Variants in MIEF1 observed in about 807,000 individuals in gnomAD.
MIEF1 encodes mitochondrial elongation factor 1, also known as mitochondrial dynamics protein MIEF1.
MIEF1 carries 14 observed loss-of-function variants against 35.1 expected under a neutral mutation model. The observed-to-expected ratio is 0.40, with a 90% CI of 0.26 to 0.62. The LOEUF is 0.62. Among genes scored for constraint, MIEF1 ranks in the 20% least tolerant of loss-of-function variants. The probability of loss-of-function intolerance (pLI) is 0.43; values close to 1 mark genes in which losing one functional copy is unlikely to be tolerated. For synonymous variants in MIEF1, 245 were observed against 254.3 expected, an observed-to-expected ratio of 0.96 and a Z score of 0.35; for missense variants, 542 against 615.4, an observed-to-expected ratio of 0.88 and a Z score of 1.26.
At position 39,512,245 on chromosome 22, in the gene MIEF1, G is replaced by T; in HGVS notation, c.336G>T (p.Pro112=). 1.2e-6 allele frequency: 2 copies of T among 1,612,880 alleles called. No individual in the cohort carries two copies. Among genetic ancestry groups the T allele is most frequent in the Non-Finnish European group, 1.7e-6 (2 of 1,179,966 alleles). Reference sequence around the variant, plus strand: ...TTGCCTTGGCAGATACATTCTGCCCGCCCCGGCCCAAGCCAGTGGCCAGGA... The same window carrying T: ...TTGCCTTGGCAGATACATTCTGCCCTCCCCGGCCCAAGCCAGTGGCCAGGA... The part of the protein sequence containing the change: ...SSTFDTDTFC[P]PRPKPVARKG... The change falls in exon 5 of 6, where the codon CCG becomes CCT. Residue 112 remains proline (P), a synonymous_variant. Coordinates refer to ENST00000325301, the MANE Select transcript of MIEF1 (RefSeq NM_019008.6).
intron 2 of MIEF1, among the ~76,000 whole-genome samples, chr22:39,508,854 T>A (rs1442806838): frequency 6.6e-6 from 1 of 152,214 alleles, no homozygotes; most frequent in African/African-American, 2.4e-5. Context: ...TTAACTCAAT[T>A]ACTGGAATAA....
At chr22:39,510,539 A>G (rs1930275879) in intron 2 of MIEF1, among the ~76,000 whole-genome samples, 4 of 152,162 alleles carry the variant, frequency 2.6e-5, no homozygotes, top group Admixed American at 2.0e-4. Context: ...CCGGGTAGCT[A>G]GGATTATAGG....
chr22:39,510,602 C>T (rs776104134), intron 2 of MIEF1, among the ~76,000 whole-genome samples: 1 of 152,192 alleles, frequency 6.6e-6, no homozygotes, highest in African/African-American at 2.4e-5. Flanking sequence ...GACACATCAC[C>T]TCCCTATGTT....
At chr22:39,511,202 C>T in intron 2 of MIEF1, 86 bp from the exon 3 acceptor site, 1 of 1,570,456 alleles carries the variant, frequency 6.4e-7, no homozygotes, top group East Asian at 2.3e-5. Context: ...CACAGAGTAC[C>T]CTGTACTTGT....
chr22:39,512,591 G>GGTCT, intron 5 of MIEF1, 97 bp downstream of exon 5: 1 of 1,449,536 alleles, frequency 6.9e-7, no homozygotes, highest in Non-Finnish European at 9.2e-7. Context: ...GAAAGACTGA[G>GGTCT]GTCTTACAGC....
Position 39,514,213 on chromosome 22 carries a change from C to T in MIEF1, c.1282C>T (p.Leu428=). 6.2e-7 allele frequency: 1 copy of T among 1,614,232 alleles called. No individual in the cohort carries two copies. Among genetic ancestry groups the T allele is most frequent in the Non-Finnish European group, 8.5e-7 (1 of 1,180,048 alleles). ...AGAGGCTGGAGTCCTGCCCAGTGCCCTAAACCCCAAGGTGAACTTATTTGC... is the reference window on the plus strand; with the variant it reads ...AGAGGCTGGAGTCCTGCCCAGTGCCTTAAACCCCAAGGTGAACTTATTTGC... ...YLEAGVLPSA[L]NPKVNLFAEL... is the part of the protein sequence containing the mutation. Residue 428 remains leucine, a synonymous_variant, in exon 6 of 6, where the codon CTA becomes TTA. Transcript: ENST00000325301.
rs1930740955 is a variant in MIEF1 at position 39,517,564 on chromosome 22, C to T, written c.*3241C>T. On this transcript the variant is annotated 3_prime_UTR_variant, in exon 6 of 6. Coordinates refer to ENST00000325301, the MANE Select transcript of MIEF1 (RefSeq NM_019008.6). ...GGAGAGGCCCCGAGGTGGGAGGGTT[C>T]TGTAAATACAGACTACTGCGAGTGT... is the stretch of plus-strand genomic sequence containing the variant. 3 of 471,056 alleles carry T rather than the reference C, an allele frequency of 6.4e-6. No individual in the cohort carries two copies. In the Admixed American group the frequency reaches 7.0e-5, roughly 11 times the overall value. The allele number at this position is 471,056 out of a possible 1,614,324, so 29.2% of individuals were successfully genotyped here. A position where few individuals can be genotyped will look rare whatever the true frequency, so the allele number is the denominator to read the frequency against.
Position 39,511,951 on chromosome 22 carries a change from C to A in MIEF1, c.247C>A (p.Leu83Met). Residue 83 changes from leucine to methionine, a missense_variant, in exon 4 of 6, where the codon CTG becomes ATG. Leu to Met is a conservative substitution (Grantham distance 15). Coordinates refer to ENST00000325301, the MANE Select transcript of MIEF1 (RefSeq NM_019008.6). ...CAACTGGATGGGCTCCCCACGACTGCTGAACAGGGACATGAAGACGGGCCT... is the reference window on the plus strand; with the variant it reads ...CAACTGGATGGGCTCCCCACGACTGATGAACAGGGACATGAAGACGGGCCT... ...EPNWMGSPRL[L>M]NRDMKTGLSR... is the part of the protein sequence containing the mutation. 1 of 1,614,228 alleles carries A rather than the reference C, an allele frequency of 6.2e-7. No individual in the cohort carries two copies. The highest frequency in any genetic ancestry group is 8.5e-7 in the Non-Finnish European group (1 of 1,180,050).
chr22:39,517,705 T>C lies in MIEF1; in HGVS notation c.*3382T>C. 1 of 456,362 alleles carries C rather than the reference T, an allele frequency of 2.2e-6. No homozygotes were observed. Among genetic ancestry groups the C allele is most frequent in the Non-Finnish European group, 4.6e-6 (1 of 219,344 alleles). The allele number at this position is 456,362 out of a possible 1,614,324, so 28.3% of individuals were successfully genotyped here. On this transcript the variant is annotated 3_prime_UTR_variant, in exon 6 of 6. Transcript: ENST00000325301. The stretch of plus-strand genomic sequence containing the variant: ...TGAAACTCAAGGCCAAGGAGAATGA[T>C]AGGAGACTTAGGACAGAGCTGACCC...
chr22:39,514,002 G>A lies in MIEF1; in HGVS notation c.1071G>A (p.Ser357=), dbSNP rs921984457. 8.7e-6 allele frequency: 14 copies of A among 1,613,092 alleles called. No homozygotes were observed. Among genetic ancestry groups the A allele is most frequent in the South Asian group, 4.4e-5 (4 of 91,084 alleles). ...ARLRALDQAD[S]GCRSLCLKIL... ...TGCGGGCTCTGGACCAGGCTGACTCGGGCTGCCGATCTCTGTGCCTCAAGA... is the reference window on the plus strand; with the variant it reads ...TGCGGGCTCTGGACCAGGCTGACTCAGGCTGCCGATCTCTGTGCCTCAAGA... The change falls in exon 6 of 6, where the codon TCG becomes TCA. Residue 357 remains serine, a synonymous_variant. Coordinates refer to ENST00000325301, the MANE Select transcript of MIEF1 (RefSeq NM_019008.6).
In MIEF1 at chr22:39,511,848, G is replaced by A. The variant is rs766632408; in HGVS notation, c.145-1G>A. ...GTCCTGTGTCCTCTCTGCTATTTCA[G>A]ATGTACGATCGGGCGATCAGTGCCC... is the stretch of plus-strand genomic sequence containing the variant. On this transcript the variant is annotated splice_acceptor_variant, in intron 3 of 5. Transcript: ENST00000325301. LOFTEE classifies it high-confidence loss of function. 2.5e-6 allele frequency: 4 copies of A among 1,611,088 alleles called. No individual in the cohort carries two copies. The highest frequency in any genetic ancestry group is 3.4e-6 in the Non-Finnish European group (4 of 1,178,054).
In MIEF1 at chr22:39,516,065, T is replaced by C. The variant is rs1930653202; in HGVS notation, c.*1742T>C. 1 of 152,138 alleles carries C rather than the reference T, an allele frequency of 6.6e-6. No homozygotes were observed. The highest frequency in any genetic ancestry group is 1.5e-5 in the Non-Finnish European group (1 of 68,062). 9.4% of individuals were successfully genotyped at this position (152,138 alleles called of 1,614,324 possible). A position where few individuals can be genotyped will look rare whatever the true frequency, so the allele number is the denominator to read the frequency against. ...ATTTCTTATGGTGGTTTCAGTTTCA[T>C]TTGCATAAAGGTATTGAGAGGGAAC... On this transcript the variant is annotated 3_prime_UTR_variant, in exon 6 of 6. Coordinates refer to ENST00000325301, the MANE Select transcript of MIEF1 (RefSeq NM_019008.6).
At chr22:39,511,782 G>A (rs767785915) in intron 3 of MIEF1, 67 bp from the exon 4 acceptor site, 153 of 1,521,606 alleles carry the variant, frequency 1.0e-4, no homozygotes, top group Admixed American at 1.9e-4. Context: ...TTCTGGGGAG[G>A]AAGTAAATTG....
At chr22:39,500,240 C>T (rs1343519112), upstream of MIEF1, 1 of 152,154 alleles carries the variant, frequency 6.6e-6, no homozygotes, top group Non-Finnish European at 1.5e-5. Context: ...GGGTCTCTGG[C>T]CTACAAAGGC....
intron 2 of MIEF1, among the ~76,000 whole-genome samples, chr22:39,505,450 C>T (rs1929970270): frequency 6.6e-6 from 1 of 152,138 alleles, no homozygotes; most frequent in African/African-American, 2.4e-5. Flanking sequence ...CCCTTGCCTC[C>T]CAAAGCTTTG....
At chr22:39,511,705 G>A (rs897621191) in intron 3 of MIEF1, 144 bp from the exon 4 acceptor site, 14 of 1,196,952 alleles carry the variant, frequency 1.2e-5, no homozygotes, top group East Asian at 2.5e-5. Context: ...GATTTTCTGC[G>A]TGGAGCAAAG....
At chr22:39,501,250 G>C (rs564093618), upstream of MIEF1, among the ~76,000 whole-genome samples, 5 of 152,364 alleles carry the variant, frequency 3.3e-5, no homozygotes, top group South Asian at 1.0e-3. Flanking sequence ...ACCACGCTGA[G>C]CTTAAAGGCT....
chr22:39,514,976 A>G lies in MIEF1; in HGVS notation c.*653A>G. The G allele has an allele frequency of 2.2e-6, 1 of 456,008 alleles. No homozygotes were observed. Among genetic ancestry groups the G allele is most frequent in the Admixed American group, 4.0e-5 (1 of 25,066 alleles). 28.2% of individuals were successfully genotyped at this position (456,008 alleles called of 1,614,324 possible). A position where few individuals can be genotyped will look rare whatever the true frequency, so the allele number is the denominator to read the frequency against. On this transcript the variant is annotated 3_prime_UTR_variant, in exon 6 of 6. Transcript: ENST00000325301. Reference sequence around the variant, plus strand: ...AAATGCTGAGAATGTCTCTCATGGGAACACTGTTAATGACCCACACAGGAT... The same window carrying G: ...AAATGCTGAGAATGTCTCTCATGGGGACACTGTTAATGACCCACACAGGAT...
chr22:39,517,840 A>G lies in MIEF1; in HGVS notation c.*3517A>G. On this transcript the variant is annotated 3_prime_UTR_variant, in exon 6 of 6. Transcript: ENST00000325301. ...AAATGCACAGTAGGTGTTTACCTTT[A>G]CATTTGGATCACCTTGTAGTCTTTA... The G allele has an allele frequency of 3.5e-6, 1 of 285,328 alleles. No homozygotes were observed. The highest frequency in any genetic ancestry group is 7.0e-6 in the Non-Finnish European group (1 of 142,436). 17.7% of individuals were successfully genotyped at this position (285,328 alleles called of 1,614,324 possible). A position where few individuals can be genotyped will look rare whatever the true frequency, so the allele number is the denominator to read the frequency against.
Sources: allele counts gnomAD v4.1 joint callset (sites outside exome capture counted in the v4.1 genomes callset), GRCh38; gene constraint gnomAD v4.1.1; transcripts MANE v1.5; gene names NCBI Gene and HGNC (gene_info 2026-07-23, HGNC 2026-07-21).